MAGI1: variants seen among roughly 807,000 people sequenced by gnomAD.
The protein encoded by MAGI1 is membrane-associated guanylate kinase, WW and PDZ domain-containing protein 1.
In MAGI1, 58 loss-of-function variants were observed where a neutral mutation model predicts 139.9. The ratio of observed to expected loss-of-function variants is 0.41; its 90% CI spans 0.34 to 0.52. The LOEUF (loss-of-function observed/expected upper bound fraction) is 0.52, where lower values mean the gene tolerates loss of function less well. MAGI1 is among the 20% of genes least tolerant of loss of function. The probability of loss-of-function intolerance (pLI) is 0.12; values close to 1 mark genes in which losing one functional copy is unlikely to be tolerated. For synonymous variants in MAGI1, 812 were observed against 737.9 expected (o/e 1.10, Z -1.63); for missense variants, 1,874 against 1,901.6 (o/e 0.99, Z 0.27).
chr3:66,002,394 T>C (rs1312720570), intron 1 of MAGI1, among the ~76,000 whole-genome samples: 1 of 152,142 alleles, frequency 6.6e-6, no homozygotes, highest in African/African-American at 2.4e-5. Flanking sequence ...TGTAAGGATC[T>C]AGCTCTTAGG....
intron 6 of MAGI1, among the ~76,000 whole-genome samples, chr3:65,448,986 G>A (rs898101682): frequency 6.6e-5 from 10 of 151,956 alleles, no homozygotes; most frequent in Non-Finnish European, 1.2e-4. Context: ...ACCACAATAC[G>A]CTCAGTGCCC....
chr3:65,363,587 C>T lies in MAGI1; in HGVS notation c.3373G>A (p.Glu1125Lys). The T allele has an allele frequency of 6.2e-7, 1 of 1,613,816 alleles. No individual in the cohort carries two copies. The highest frequency in any genetic ancestry group is 8.5e-7 in the Non-Finnish European group (1 of 1,179,872). ...AATCCCTTGGCTCCTCTTTCCAGTTCCACAGTGTAAAAATCTTGCTCCTAT... is the reference window on the plus strand; with the variant it reads ...AATCCCTTGGCTCCTCTTTCCAGTTTCACAGTGTAAAAATCTTGCTCCTAT... ...ATQEQDFYTV[E>K]LERGAKGFGF... The change falls in exon 21 of 23, where the codon GAA becomes AAA. Residue 1125 changes from glutamate to lysine, a missense_variant. Around this residue, in one of 5 missense-constraint regions of MAGI1, gnomAD observed 653 missense variants for 644.5 expected, o/e 1.01. Transcript: ENST00000402939.
intron 22 of MAGI1, chr3:65,359,445 A>G (rs1940562943): frequency 5.1e-6 from 6 of 1,165,248 alleles, no homozygotes; most frequent in Non-Finnish European, 6.4e-6. Flanking sequence ...TGTTTTTTCA[A>G]ACAACTGGAA....
At chr3:65,364,324 G>GA (rs1459232696) in intron 20 of MAGI1, among the ~76,000 whole-genome samples, 2 of 152,012 alleles carry the variant, frequency 1.3e-5, no homozygotes, top group Non-Finnish European at 1.5e-5. Flanking sequence ...TCTCAAGCCT[G>GA]AAAAACACCT....
chr3:65,558,812 G>C (rs2080209022), intron 2 of MAGI1, among the ~76,000 whole-genome samples: 1 of 152,138 alleles, frequency 6.6e-6, no homozygotes, highest in Non-Finnish European at 1.5e-5. Context: ...TATATTACCA[G>C]ACATAAAAGC....
At chr3:65,438,455 T>A (rs7645776) in intron 9 of MAGI1, among the ~76,000 whole-genome samples, 1,823 of 152,288 alleles carry the variant, frequency 0.012, 37 homozygotes, top group African/African-American at 0.041. Context: ...ACACTAAAAG[T>A]CCACACTTCA....
chr3:65,845,056 G>A (rs773105103), intron 1 of MAGI1, among the ~76,000 whole-genome samples: 28 of 152,078 alleles, frequency 1.8e-4, no homozygotes, highest in Non-Finnish European at 1.5e-4. Flanking sequence ...TTCGAGACAA[G>A]CCTGGCCAAT....
chr3:65,847,890 C>A (rs2059061442), intron 1 of MAGI1, among the ~76,000 whole-genome samples: 1 of 152,130 alleles, frequency 6.6e-6, no homozygotes, highest in African/African-American at 2.4e-5. Flanking sequence ...AGTTTTGGAA[C>A]CAAGCATGGT....
At chr3:65,955,668 A>G (rs2107012368) in intron 1 of MAGI1, among the ~76,000 whole-genome samples, 1 of 152,298 alleles carries the variant, frequency 6.6e-6, no homozygotes, top group East Asian at 1.9e-4. Flanking sequence ...CCTTGGAAAA[A>G]AAAAATTGTC....
chr3:65,637,462 G>A (rs2084692500), intron 1 of MAGI1, among the ~76,000 whole-genome samples: 1 of 151,872 alleles, frequency 6.6e-6, no homozygotes, highest in African/African-American at 2.4e-5. Flanking sequence ...GCTGAGTTGG[G>A]AGAATCACCT....
chr3:65,620,657 C>A (rs2083615172), intron 2 of MAGI1, among the ~76,000 whole-genome samples: 1 of 152,216 alleles, frequency 6.6e-6, no homozygotes, highest in Non-Finnish European at 1.5e-5. Context: ...CAGTTTATAA[C>A]TTCAATGCTA....
At chr3:65,444,521 T>C (rs1232543386) in intron 7 of MAGI1, among the ~76,000 whole-genome samples, 2 of 152,174 alleles carry the variant, frequency 1.3e-5, no homozygotes, top group East Asian at 1.9e-4. Flanking sequence ...TGATTATCTT[T>C]AGATAAAACA....
At chr3:65,641,739 C>A (rs926034377) in intron 1 of MAGI1, among the ~76,000 whole-genome samples, 6 of 152,112 alleles carry the variant, frequency 3.9e-5, no homozygotes, top group Non-Finnish European at 8.8e-5. Context: ...TTCTGCCTGC[C>A]CTGACTAAGG....
rs1235647731 is a variant in MAGI1 at position 65,584,972 on chromosome 3, T to G, written c.430+37000A>C. Among the ~76,000 whole-genome samples the G allele has an allele frequency of 2.6e-5, 4 of 152,180 alleles. No homozygotes were observed. The East Asian group carries it at 7.7e-4, about 29-fold the overall frequency. ...TGTGAGAAAGGCAGACGGGCCAAAT[T>G]GATTCACCTAAGTCAGTAAGACTTA... is the stretch of plus-strand genomic sequence containing the variant. On this transcript the variant is annotated intron_variant, in intron 2 of 22. Coordinates refer to ENST00000402939, the MANE Select transcript of MAGI1 (RefSeq NM_001033057.2).
intron 1 of MAGI1, chr3:65,893,745 T>A (rs567579300): frequency 6.6e-6 from 1 of 152,214 alleles, no homozygotes; most frequent in South Asian, 2.1e-4. Context: ...TCCCAAAATA[T>A]AACGGCTTAA....
intron 12 of MAGI1, among the ~76,000 whole-genome samples, chr3:65,426,078 T>C (rs1947023742): frequency 2.0e-5 from 3 of 151,924 alleles, no homozygotes; most frequent in South Asian, 4.2e-4. Context: ...GGACACACAA[T>C]TGGAAGAGGG....
At chr3:65,932,499 T>A (rs1478712422) in intron 1 of MAGI1, among the ~76,000 whole-genome samples, 1 of 152,076 alleles carries the variant, frequency 6.6e-6, no homozygotes, top group Admixed American at 6.6e-5. Flanking sequence ...ATTCCCACCA[T>A]CCCGAACATA....
chr3:65,967,526 G>T lies in MAGI1; in HGVS notation c.313+70470C>A, dbSNP rs1576297683. 2.6e-5 allele frequency among the ~76,000 whole-genome samples: 4 copies of T among 152,312 alleles called. No individual in the cohort carries two copies. The East Asian group carries it at 7.7e-4, about 29-fold the overall frequency. ...TTCCAGTTACAGGTTGCCCCAACTG[G>T]GGCCAATGGCTGAGAAACAGAGAGA... On this transcript the variant is annotated intron_variant, in intron 1 of 22. Coordinates refer to ENST00000402939, the MANE Select transcript of MAGI1 (RefSeq NM_001033057.2).
chr3:65,818,085 T>C (rs1208871070), intron 1 of MAGI1, among the ~76,000 whole-genome samples: 1 of 151,718 alleles, frequency 6.6e-6, no homozygotes, highest in Non-Finnish European at 1.5e-5. Flanking sequence ...TCTTTGACTT[T>C]CCTTTGTTAA....
Sources: allele counts gnomAD v4.1 joint callset (sites outside exome capture counted in the v4.1 genomes callset), GRCh38; gene constraint gnomAD v4.1.1; regional missense constraint gnomAD v4.1.1; transcripts MANE v1.5; gene names NCBI Gene and HGNC (gene_info 2026-07-23, HGNC 2026-07-21).